The following DMRT1 variants were observed in gnomAD, a reference collection of about 807,000 sequenced individuals.
DMRT1 encodes doublesex and mab-3 related transcription factor 1.
A neutral mutation model predicts 32.3 loss-of-function variants in DMRT1; 7 were observed. The ratio of observed to expected loss-of-function variants is 0.22; its 90% CI spans 0.12 to 0.41. The LOEUF (loss-of-function observed/expected upper bound fraction) is 0.41, where lower values mean the gene tolerates loss of function less well. Ranked by LOEUF, DMRT1 falls within the 10% of genes least tolerant of loss-of-function variation. The pLI is 1.00. For missense variants in DMRT1, 625 were observed against 500.5 expected (o/e 1.25, Z -2.37); for synonymous variants, 278 against 206.1 (o/e 1.35, Z -2.99).
intron 2 of DMRT1, among the ~76,000 whole-genome samples, chr9:856,523 G>T (rs963393212): frequency 6.6e-6 from 1 of 152,084 alleles, no homozygotes; most frequent in African/African-American, 2.4e-5. Flanking sequence ...CTCTTACTTA[G>T]CCTGATGTTT....
chr9:911,647 C>T (rs1817992404), intron 3 of DMRT1, among the ~76,000 whole-genome samples: 1 of 151,850 alleles, frequency 6.6e-6, no homozygotes, highest in African/African-American at 2.4e-5. Flanking sequence ...CGCCTGCCAC[C>T]ACACCCAGCT....
At chr9:960,872 A>G (rs928679438) in intron 4 of DMRT1, among the ~76,000 whole-genome samples, 1 of 152,072 alleles carries the variant, frequency 6.6e-6, no homozygotes, top group African/African-American at 2.4e-5. Flanking sequence ...AGACAAGGGA[A>G]GTGGAGTGGG....
chr9:918,190 G>C (rs954308073), intron 4 of DMRT1, among the ~76,000 whole-genome samples: 3 of 152,232 alleles, frequency 2.0e-5, no homozygotes, highest in Non-Finnish European at 4.4e-5. Flanking sequence ...TGGCCTGTAA[G>C]GGCGTGCAAG....
intron 3 of DMRT1, among the ~76,000 whole-genome samples, chr9:900,803 G>GCCC: frequency 6.6e-6 from 1 of 151,616 alleles, no homozygotes; most frequent in Non-Finnish European, 1.5e-5. Flanking sequence ...TCCCATCTCA[G>GCCC]TCTCACGAGT....
intron 4 of DMRT1, among the ~76,000 whole-genome samples, chr9:953,141 C>T (rs10121975): frequency 0.032 from 4,924 of 152,224 alleles, 275 homozygotes; most frequent in African/African-American, 0.11. Flanking sequence ...ATTTTATATA[C>T]GTGGAGTCAA....
intron 2 of DMRT1, among the ~76,000 whole-genome samples, chr9:858,863 AAAAAAAAATATAT>A (rs750634686): frequency 0.14 from 14,348 of 102,950 alleles, 848 homozygotes; most frequent in Middle Eastern, 0.2. Flanking sequence ...CAAAAAAAAA[AAAAAAAAATATAT>A]ATATATATAT....
chr9:942,548 C>A (rs1212813957), intron 4 of DMRT1, among the ~76,000 whole-genome samples: 1 of 152,184 alleles, frequency 6.6e-6, no homozygotes, highest in Non-Finnish European at 1.5e-5. Context: ...TTTGGGATTA[C>A]AGGTGTGAGC....
chr9:920,604 T>C (rs2129796294), intron 4 of DMRT1, among the ~76,000 whole-genome samples: 1 of 152,286 alleles, frequency 6.6e-6, no homozygotes, highest in Non-Finnish European at 1.5e-5. Context: ...TTCAGGAGTT[T>C]TGCTGTAAGA....
At chr9:881,570 A>G (rs1816738263) in intron 2 of DMRT1, among the ~76,000 whole-genome samples, 1 of 152,200 alleles carries the variant, frequency 6.6e-6, no homozygotes, top group South Asian at 2.1e-4. Context: ...TGCTCTAGAG[A>G]GAAAGACCCT....
chr9:895,859 C>T (rs1817336451), intron 3 of DMRT1, among the ~76,000 whole-genome samples: 1 of 140,618 alleles, frequency 7.1e-6, no homozygotes, highest in Non-Finnish European at 1.5e-5. Context: ...AGCTGGAGTA[C>T]AGTGGCGCGA....
intron 2 of DMRT1, among the ~76,000 whole-genome samples, chr9:865,071 C>G (rs1323594828): frequency 6.6e-6 from 1 of 152,164 alleles, no homozygotes; most frequent in African/African-American, 2.4e-5. Flanking sequence ...CTTCAGCTAT[C>G]TCAGAGTCAT....
chr9:966,750 G>C (rs1819942613), intron 4 of DMRT1, among the ~76,000 whole-genome samples: 1 of 152,124 alleles, frequency 6.6e-6, no homozygotes, highest in Non-Finnish European at 1.5e-5. Context: ...GTTGTAAAAA[G>C]GTCTCTTTTC....
chr9:948,903 A>AAAAAT (rs1819335941), intron 4 of DMRT1, among the ~76,000 whole-genome samples: 1 of 137,728 alleles, frequency 7.3e-6, no homozygotes. Flanking sequence ...TAAAAATACA[A>AAAAAT]AATAATAATA....
chr9:932,479 C>T (rs1275394357), intron 4 of DMRT1, among the ~76,000 whole-genome samples: 2 of 152,176 alleles, frequency 1.3e-5, no homozygotes, highest in Non-Finnish European at 2.9e-5. Context: ...GAAAAATAAA[C>T]TTTTACTTTT....
chr9:864,876 C>CAAT (rs5895869), intron 2 of DMRT1, among the ~76,000 whole-genome samples: 129,609 of 151,974 alleles, frequency 0.85, 55,301 homozygotes, highest in Admixed American at 0.91. Context: ...CCAAAAGCTT[C>CAAT]GACTAAACCA....
At chr9:915,977 C>T (rs1818166069) in intron 3 of DMRT1, among the ~76,000 whole-genome samples, 1 of 152,272 alleles carries the variant, frequency 6.6e-6, no homozygotes, top group Non-Finnish European at 1.5e-5. Context: ...TTGTGATCTG[C>T]CCATCTTGGC....
At chr9:940,953 C>T (rs1346352947) in intron 4 of DMRT1, among the ~76,000 whole-genome samples, 2 of 152,158 alleles carry the variant, frequency 1.3e-5, no homozygotes, top group Non-Finnish European at 2.9e-5. Flanking sequence ...AATATCTAAT[C>T]ATTAGGGAAT....
At chr9:846,846 A>G in intron 1 of DMRT1, 114 bp from the exon 2 acceptor site, 1 of 1,305,128 alleles carries the variant, frequency 7.7e-7, no homozygotes, top group Non-Finnish European at 1.1e-6. Flanking sequence ...GGAGATTTTC[A>G]GACCTCACCT....
intron 2 of DMRT1, among the ~76,000 whole-genome samples, chr9:884,354 A>G (rs1036884860): frequency 4.5e-5 from 6 of 133,528 alleles, no homozygotes; most frequent in African/African-American, 1.8e-4. Context: ...CATATTTCAC[A>G]CTGCATGTTA....
Sources: allele counts gnomAD v4.1 joint callset (sites outside exome capture counted in the v4.1 genomes callset), GRCh38; gene constraint gnomAD v4.1.1; transcripts MANE v1.5; gene names NCBI Gene and HGNC (gene_info 2026-07-23, HGNC 2026-07-21).